Variants in CCDC85C observed in about 807,000 individuals in gnomAD.
CCDC85C encodes the protein coiled-coil domain-containing protein 85C.
Under a neutral mutation model 38.3 loss-of-function variants are expected in CCDC85C, and 18 were observed. The ratio of observed to expected loss-of-function variants is 0.47; its 90% confidence interval spans 0.33 to 0.70. CCDC85C has a LOEUF of 0.70. CCDC85C is among the 30% of genes least tolerant of loss of function. The pLI is 0.03. For missense variants in CCDC85C, 566 were observed against 621.2 expected (o/e 0.91, Z 0.94); for synonymous variants, 264 against 293.8 (o/e 0.90, Z 1.04).
chr14:99,567,367 G>A (rs1481591416), intron 1 of CCDC85C, among the ~76,000 whole-genome samples: 1 of 152,176 alleles, frequency 6.6e-6, no homozygotes, highest in African/African-American at 2.4e-5. Flanking sequence ...AAGTTTTTCG[G>A]GTGGATGAGT....
In CCDC85C at chr14:99,588,887, G is replaced by A. The variant is rs866482163; in HGVS notation, c.793+14280C>T. ...TCCTACAGCTTCCCCAAGTTCCTCC[G>A]GGGTCTCCGAGCACCATGGATGTGA... On this transcript the variant is annotated intron_variant, in intron 1 of 5. Transcript: ENST00000380243. This position sits in a 1 kb window ranked among gnomAD's most constrained non-coding sequence, Gnocchi z 5.0. Among the ~76,000 whole-genome samples the A allele has an allele frequency of 2.2e-4, 34 of 151,994 alleles. No individual in the cohort carries two copies. Among genetic ancestry groups the A allele is most frequent in the African/African-American group, 6.8e-4 (28 of 41,368 alleles).
Position 99,516,015 on chromosome 14 carries a change from C to T in CCDC85C, c.1170+173G>A, listed in dbSNP as rs1405165843. Among the ~76,000 whole-genome samples, 4 of 152,098 alleles carry T rather than the reference C, an allele frequency of 2.6e-5. No homozygotes were observed. The highest frequency in any genetic ancestry group is 1.3e-4 in the Admixed American group (2 of 15,282). On this transcript the variant is annotated intron_variant, in intron 5 of 5. Coordinates refer to ENST00000380243, the MANE Select transcript of CCDC85C (RefSeq NM_001144995.2). This position sits in a 1 kb window ranked among gnomAD's most constrained non-coding sequence, Gnocchi z 5.5. The stretch of plus-strand genomic sequence containing the variant: ...AGGGCAGGGGGCAGCGAGATGACAA[C>T]GGGCCAGGGCTCCTAGCACCTCTGA...
At position 99,544,512 on chromosome 14, in the gene CCDC85C, GTGTGTC is replaced by G. The variant is rs1410469168; in HGVS notation, c.794-8430_794-8425del. On this transcript the variant is annotated intron_variant, in intron 1 of 5. Transcript: ENST00000380243. The surrounding 1 kb of genome is among the most constrained non-coding windows in gnomAD (Gnocchi z 5.3). ...AGGGTGTGTGTGTGTGTGTGTGTGT[GTGTGTC>G]TGTGTGTCTGTGTGTTCCCACACCC... Among the ~76,000 whole-genome samples, 2,785 of 151,926 alleles carry G rather than the reference GTGTGTC, an allele frequency of 0.018. 97 individuals are homozygous for G. Among genetic ancestry groups the G allele is most frequent in the African/African-American group, 0.064 (2,663 of 41,300 alleles).
rs906144265 is a variant in CCDC85C, at chr14:99,517,199, A to G, written c.976-16T>C. ...AGGCCGGGCCCTGGGGAAGGCAATCACACATCTCAGCTCACCCTGGCTGGC... is the reference window on the plus strand; with the variant it reads ...AGGCCGGGCCCTGGGGAAGGCAATCGCACATCTCAGCTCACCCTGGCTGGC... On this transcript the variant is annotated splice_polypyrimidine_tract_variant and intron_variant, in intron 3 of 5. Coordinates refer to ENST00000380243, the MANE Select transcript of CCDC85C (RefSeq NM_001144995.2). 6 of 1,526,270 alleles carry G rather than the reference A, an allele frequency of 3.9e-6. No homozygotes were observed. Among genetic ancestry groups the G allele is most frequent in the Non-Finnish European group, 4.4e-6 (5 of 1,132,356 alleles). The allele number at this position is 1,526,270 out of a possible 1,614,324, so 94.5% of individuals were successfully genotyped here.
chr14:99,536,113 G>A, intron 1 of CCDC85C, 25 bp from the exon 2 acceptor site: 1 of 1,491,674 alleles, frequency 6.7e-7, no homozygotes, highest in Non-Finnish European at 9.2e-7. Context: ...GAGGAAGGGG[G>A]ACATTAGCCT....
At chr14:99,595,042 C>A (rs759750087) in intron 1 of CCDC85C, among the ~76,000 whole-genome samples, 1 of 152,188 alleles carries the variant, frequency 6.6e-6, no homozygotes, top group East Asian at 1.9e-4. Flanking sequence ...AGAGCTAGAA[C>A]TGCCCACACC....
In CCDC85C at chr14:99,603,472, GC is replaced by G. The variant is rs1324763243; in HGVS notation, c.487del (p.Ala163ProfsTer24). The G allele has an allele frequency of 7.0e-6, 9 of 1,285,518 alleles. No homozygotes were observed. Among genetic ancestry groups the G allele is most frequent in the South Asian group, 5.3e-5 (2 of 38,030 alleles). 79.6% of individuals were successfully genotyped at this position (1,285,518 alleles called of 1,614,324 possible). ...EERAALAATGAASGGGGGGGG... is the reference protein window; with the variant it reads ...EERAALAATGXASGGGGGGGG... ...CCCGCCGCCGCCGCCACCGCTTGCG[GC>G]CCCCGTCGCCGCCAGTGCCGCGCGC... On this transcript the variant is annotated frameshift_variant, in exon 1 of 6. Transcript: ENST00000380243. LOFTEE classifies it high-confidence loss of function. The surrounding 1 kb of genome is among the most constrained non-coding windows in gnomAD (Gnocchi z 7.5).
At chr14:99,538,842 A>G (rs558454447) in intron 1 of CCDC85C, among the ~76,000 whole-genome samples, 32 of 152,320 alleles carry the variant, frequency 2.1e-4, no homozygotes, top group African/African-American at 3.6e-4. Flanking sequence ...CATCCGGAGA[A>G]GGGATGCAGA....
At chr14:99,591,703 T>C (rs1239244424) in intron 1 of CCDC85C, among the ~76,000 whole-genome samples, 9 of 151,418 alleles carry the variant, frequency 5.9e-5, no homozygotes, top group African/African-American at 1.9e-4. Context: ...CCCGACTCCA[T>C]ACTCAGGTGT....
At chr14:99,581,637 G>A (rs1410995636) in intron 1 of CCDC85C, among the ~76,000 whole-genome samples, 1 of 152,168 alleles carries the variant, frequency 6.6e-6, no homozygotes, top group Non-Finnish European at 1.5e-5. Context: ...GCCTGCCTGC[G>A]CCAGGCCAAA....
chr14:99,522,335 A>C, intron 2 of CCDC85C, 95 bp from the exon 3 acceptor site: 1 of 909,056 alleles, frequency 1.1e-6, no homozygotes, highest in Non-Finnish European at 1.7e-6. Context: ...GGGGCTGCTC[A>C]AAGGCACGGC....
rs1896984721 is a variant in CCDC85C at position 99,506,722 on chromosome 14, T to C, written c.*8524A>G. 3.6e-6 allele frequency: 1 copy of C among 281,502 alleles called. No individual in the cohort carries two copies. Among genetic ancestry groups the C allele is most frequent in the Non-Finnish European group, 7.0e-6 (1 of 143,868 alleles). 17.4% of individuals were successfully genotyped at this position (281,502 alleles called of 1,614,324 possible). A position where few individuals can be genotyped will look rare whatever the true frequency, so the allele number is the denominator to read the frequency against. On this transcript the variant is annotated 3_prime_UTR_variant, in exon 6 of 6. Coordinates refer to ENST00000380243, the MANE Select transcript of CCDC85C (RefSeq NM_001144995.2). ...CTACTCTGGACCCTTCTTTGTGTCC[T>C]CTGTACCAGGGAGGACTCCAGATAG...
At position 99,512,446 on chromosome 14, in the gene CCDC85C, AGTAT is replaced by A. The variant is rs755454721; in HGVS notation, c.*2796_*2799del. ...GTTTTAAGAAAAAAAAAAAATCAGTAGTATGTATCTTGTTTCCTCAAGTTTCAAG... is the reference window on the plus strand; with the variant it reads ...GTTTTAAGAAAAAAAAAAAATCAGTAGTATCTTGTTTCCTCAAGTTTCAAG... On this transcript the variant is annotated 3_prime_UTR_variant, in exon 6 of 6. Transcript: ENST00000380243. The A allele has an allele frequency of 2.0e-5, 3 of 152,114 alleles. No individual in the cohort carries two copies. The highest frequency in any genetic ancestry group is 4.4e-5 in the Non-Finnish European group (3 of 68,030). 9.4% of individuals were successfully genotyped at this position (152,114 alleles called of 1,614,324 possible).
rs2055243470 is a variant in CCDC85C at position 99,603,974 on chromosome 14, C to G, written c.-15G>C. The G allele has an allele frequency of 7.6e-7, 1 of 1,314,956 alleles. No homozygotes were observed. Among genetic ancestry groups the G allele is most frequent in the Non-Finnish European group, 9.6e-7 (1 of 1,036,564 alleles). The allele number at this position is 1,314,956 out of a possible 1,614,324, so 81.5% of individuals were successfully genotyped here. The stretch of plus-strand genomic sequence containing the variant: ...GGCTTAGCCATGGCGGGGCCGTCAC[C>G]GCGGCATCGCCCTCGCCCTCGCCCG... On this transcript the variant is annotated 5_prime_UTR_variant, in exon 1 of 6. Transcript: ENST00000380243. The surrounding 1 kb of genome is among the most constrained non-coding windows in gnomAD (Gnocchi z 7.5).
intron 1 of CCDC85C, among the ~76,000 whole-genome samples, chr14:99,593,460 A>G (rs1595107950): frequency 6.6e-6 from 1 of 152,232 alleles, no homozygotes; most frequent in African/African-American, 2.4e-5. Context: ...TGGCGGAGGC[A>G]GCCACCTCCA....
intron 1 of CCDC85C, among the ~76,000 whole-genome samples, chr14:99,602,738 T>A (rs1210809750): frequency 6.6e-6 from 1 of 152,068 alleles, no homozygotes; most frequent in African/African-American, 2.4e-5. Flanking sequence ...GCTGCTTGGT[T>A]TGGAGGACAC....
chr14:99,565,278 C>A (rs1310966891), intron 1 of CCDC85C, among the ~76,000 whole-genome samples: 1 of 152,224 alleles, frequency 6.6e-6, no homozygotes, highest in Non-Finnish European at 1.5e-5. Context: ...CTCCACCACC[C>A]CTGCGGGGCT....
rs1898470500 is a variant in CCDC85C, at chr14:99,576,107, TCCTC to T, written c.793+27056_793+27059del. On this transcript the variant is annotated intron_variant, in intron 1 of 5. Coordinates refer to ENST00000380243, the MANE Select transcript of CCDC85C (RefSeq NM_001144995.2). This position sits in a 1 kb window ranked among gnomAD's most constrained non-coding sequence, Gnocchi z 4.8. The stretch of plus-strand genomic sequence containing the variant: ...GTGGCTCACACTAATGGCCACATCT[TCCTC>T]CATCCCCAAAAAGTAGCCACAATCC... Among the ~76,000 whole-genome samples the T allele has an allele frequency of 6.6e-6, 1 of 152,162 alleles. No homozygotes were observed.
intron 1 of CCDC85C, among the ~76,000 whole-genome samples, chr14:99,597,747 T>C (rs1185178833): frequency 6.6e-6 from 1 of 152,182 alleles, no homozygotes; most frequent in African/African-American, 2.4e-5. Flanking sequence ...GCCATTCTTA[T>C]TCCTGCCTGG....
Sources: gnomAD v4.1 joint callset for allele counts (sites outside exome capture counted in the v4.1 genomes callset) on GRCh38, gnomAD v4.1.1 for gene constraint, Gnocchi (gnomAD v3.1) non-coding constraint, MANE v1.5 for transcripts, NCBI Gene and HGNC (gene_info 2026-07-23, HGNC 2026-07-21) for gene names.